Variants in BSN observed in about 807,000 individuals in gnomAD.
BSN encodes the protein bassoon presynaptic cytomatrix protein.
BSN carries 57 observed loss-of-function variants against 264.8 expected under a neutral mutation model. That is an observed-to-expected ratio of 0.22 (90% CI 0.17 to 0.27). The LOEUF is 0.27. BSN is among the 10% of genes least tolerant of loss of function. BSN has a pLI of 1.00. For synonymous variants in BSN, 2,059 were observed against 2,137.3 expected, an observed-to-expected ratio of 0.96 and a Z score of 1.01; for missense variants, 4,615 against 5,232.5, an observed-to-expected ratio of 0.88 and a Z score of 3.64.
intron 1 of BSN, among the ~76,000 whole-genome samples, chr3:49,578,706 C>G (rs542619140): frequency 1.4e-3 from 211 of 151,930 alleles, no homozygotes; most frequent in Middle Eastern, 0.01. Context: ...GCACCTGGCC[C>G]AAAGCTACAA....
intron 1 of BSN, among the ~76,000 whole-genome samples, chr3:49,620,015 T>C (rs1375487411): frequency 6.6e-6 from 1 of 152,022 alleles, no homozygotes; most frequent in African/African-American, 2.4e-5. Flanking sequence ...CCAAAGGATA[T>C]ACAAAAGCAA....
At chr3:49,578,563 T>C (rs2051865786) in intron 1 of BSN, among the ~76,000 whole-genome samples, 1 of 151,586 alleles carries the variant, frequency 6.6e-6, no homozygotes, top group African/African-American at 2.4e-5. Flanking sequence ...GCCCACCACC[T>C]TGCCCGGCCA....
chr3:49,651,573 G>A lies in BSN; in HGVS notation c.2017G>A (p.Ala673Thr). The A allele has an allele frequency of 6.3e-7, 1 of 1,595,668 alleles. No individual in the cohort carries two copies. Among genetic ancestry groups the A allele is most frequent in the Non-Finnish European group, 8.6e-7 (1 of 1,169,236 alleles). ...DLVGKPYSQD[A>T]SRSPQSLSDT... The stretch of plus-strand genomic sequence containing the variant: ...GGTGGGCAAGCCTTACTCTCAGGAT[G>A]CGTCTCGGAGCCCACAGAGCCTCAG... The change falls in exon 5 of 12, where the codon GCG becomes ACG. Residue 673 changes from alanine (A) to threonine (T), a missense_variant. Coordinates refer to ENST00000296452, the MANE Select transcript of BSN (RefSeq NM_003458.4). The surrounding 1 kb of genome is among the most constrained non-coding windows in gnomAD (Gnocchi z 5.4).
intron 1 of BSN, among the ~76,000 whole-genome samples, chr3:49,579,701 G>A (rs574952702): frequency 6.6e-6 from 1 of 152,060 alleles, no homozygotes; most frequent in South Asian, 2.1e-4. Context: ...GATTACAGGT[G>A]TGAGCCACCG....
At chr3:49,575,385 A>AATATATATGTGTGTATATATATGTAAAT (rs2051835601) in intron 1 of BSN, among the ~76,000 whole-genome samples, 7 of 148,698 alleles carry the variant, frequency 4.7e-5, no homozygotes, top group Admixed American at 4.1e-4. Context: ...TATATATGTA[A>AATATATATGTGTGTATATATATGTAAAT]ATATATATGT....
At chr3:49,631,796 A>G (rs1045809249) in intron 2 of BSN, among the ~76,000 whole-genome samples, 3 of 152,208 alleles carry the variant, frequency 2.0e-5, no homozygotes, top group African/African-American at 7.2e-5. Flanking sequence ...AGGTTTGGGA[A>G]GGTGGCAGTA....
At chr3:49,643,222 G>C (rs2052480445) in intron 3 of BSN, 70 bp downstream of exon 3, 2 of 1,521,100 alleles carry the variant, frequency 1.3e-6, no homozygotes. Flanking sequence ...GAGTGTCATG[G>C]GAACCAGAAA....
At chr3:49,592,738 G>A (rs2051989403) in intron 1 of BSN, among the ~76,000 whole-genome samples, 2 of 149,216 alleles carry the variant, frequency 1.3e-5, no homozygotes, top group African/African-American at 2.5e-5. Flanking sequence ...GTGACAGAGC[G>A]AGACTCCATC....
Position 49,654,021 on chromosome 3 carries a change from C to T in BSN, c.4465C>T (p.Pro1489Ser). Reference sequence around the variant, plus strand: ...CTCCCCGTCTTCCCCCTCAGAGAGTCCCACATTCTCCCCTGGCAAGATGGG... The same window carrying T: ...CTCCCCGTCTTCCCCCTCAGAGAGTTCCACATTCTCCCCTGGCAAGATGGG... ...PLSPSSPSESPTFSPGKMGPR... is the reference protein window; with the variant it reads ...PLSPSSPSESSTFSPGKMGPR... Residue 1489 changes from proline (P) to serine (S), a missense_variant, in exon 5 of 12, where the codon CCC becomes TCC. By Grantham distance (74) the Pro-to-Ser change is moderately conservative. This residue lies in a region of BSN where 3,415 missense variants were observed against 3,866.4 expected (regional missense o/e 0.88). Transcript: ENST00000296452. The surrounding 1 kb of genome is among the most constrained non-coding windows in gnomAD (Gnocchi z 4.1). 1.2e-6 allele frequency: 2 copies of T among 1,613,868 alleles called. No homozygotes were observed. Among genetic ancestry groups the T allele is most frequent in the Non-Finnish European group, 1.7e-6 (2 of 1,179,954 alleles).
intron 2 of BSN, among the ~76,000 whole-genome samples, chr3:49,636,167 G>A (rs1466090189): frequency 6.6e-6 from 1 of 152,222 alleles, no homozygotes; most frequent in Non-Finnish European, 1.5e-5. Context: ...CCCCATGTGG[G>A]TTGCAGGTCA....
chr3:49,634,208 A>T (rs969177215), intron 2 of BSN, among the ~76,000 whole-genome samples: 5 of 143,426 alleles, frequency 3.5e-5, no homozygotes, highest in Admixed American at 6.9e-5. Flanking sequence ...CTCTGCCTTT[A>T]AAAAAAAAAA....
At position 49,554,817 on chromosome 3, in the gene BSN, G is replaced by A. The variant is rs2051652303; in HGVS notation, c.215G>A (p.Gly72Asp). The A allele has an allele frequency of 1.6e-5, 20 of 1,221,812 alleles. No homozygotes were observed. The highest frequency in any genetic ancestry group is 2.0e-5 in the Non-Finnish European group (20 of 981,480). 75.7% of individuals were successfully genotyped at this position (1,221,812 alleles called of 1,614,324 possible). ...GGCCCCGGCCCCGGTCCCGGCCCTG[G>A]CCCGGGCAGGTAAGCGCGTGTCTCG... Reference protein sequence around the residue: ...GPGPGPGPGPGPGSTSRRLDP... With the variant: ...GPGPGPGPGPDPGSTSRRLDP... Residue 72 changes from glycine to aspartate, a missense_variant, in exon 1 of 12, where the codon GGC (glycine) becomes GAC (aspartate). By Grantham distance (94) the Gly-to-Asp change is moderately conservative. Around this residue, in one of 3 missense-constraint regions of BSN, gnomAD observed 1,197 missense variants for 1,348.0 expected, o/e 0.89. Transcript: ENST00000296452.
intron 1 of BSN, among the ~76,000 whole-genome samples, chr3:49,560,488 G>A (rs1191448083): frequency 6.6e-6 from 1 of 152,218 alleles, no homozygotes; most frequent in Admixed American, 6.5e-5. Flanking sequence ...ACTGCCTGGG[G>A]ACTGACTTTT....
chr3:49,554,784 C>G lies in BSN; in HGVS notation c.182C>G (p.Pro61Arg). The part of the protein sequence containing the change: ...AARSTAVPPV[P>R]GPGPGPGPGP... ...CGGTCGACCGCGGTACCACCGGTCC[C>G]TGGCCCCGGCCCCGGCCCCGGTCCC... Residue 61 changes from proline to arginine, a missense_variant, in exon 1 of 12, where the codon CCT becomes CGT. By Grantham distance (103) the Pro-to-Arg change is moderately radical. This residue lies in a region of BSN where 1,197 missense variants were observed against 1,348.0 expected (regional missense o/e 0.89). Transcript: ENST00000296452. 1.6e-6 allele frequency: 2 copies of G among 1,225,612 alleles called. No homozygotes were observed. Among genetic ancestry groups the G allele is most frequent in the Non-Finnish European group, 2.0e-6 (2 of 984,302 alleles). 75.9% of individuals were successfully genotyped at this position (1,225,612 alleles called of 1,614,324 possible). A position where few individuals can be genotyped will look rare whatever the true frequency, so the allele number is the denominator to read the frequency against.
chr3:49,633,258 C>T (rs1331692503), intron 2 of BSN, among the ~76,000 whole-genome samples: 4 of 150,476 alleles, frequency 2.7e-5, no homozygotes, highest in Admixed American at 6.6e-5. Flanking sequence ...GCCAAGATCA[C>T]GCCACTGCAC....
intron 2 of BSN, among the ~76,000 whole-genome samples, chr3:49,626,700 A>C (rs2052343209): frequency 6.6e-6 from 1 of 152,248 alleles, no homozygotes; most frequent in Admixed American, 6.5e-5. Flanking sequence ...TCACAGGAAC[A>C]GGGAGGCTTG....
In BSN at chr3:49,650,715, T is replaced by G. The variant is rs777216327; in HGVS notation, c.1622T>G (p.Val541Gly). The G allele has an allele frequency of 1.2e-6, 2 of 1,613,112 alleles. No individual in the cohort carries two copies. The highest frequency in any genetic ancestry group is 4.5e-5 in the East Asian group (2 of 44,878). The change falls in exon 4 of 12, where the codon GTA (valine) becomes GGA (glycine). Residue 541 changes from valine to glycine, a missense_variant. Around this residue, in one of 3 missense-constraint regions of BSN, gnomAD observed 1,197 missense variants for 1,348.0 expected, o/e 0.89. Coordinates refer to ENST00000296452, the MANE Select transcript of BSN (RefSeq NM_003458.4). ...LPPPTSQQPP[V>G]GAPHRASGTS... Reference sequence around the variant, plus strand: ...CCGCCCACCTCACAGCAGCCCCCTGTAGGGGCCCCTCACCGTGCATCTGGA... The same window carrying G: ...CCGCCCACCTCACAGCAGCCCCCTGGAGGGGCCCCTCACCGTGCATCTGGA...
chr3:49,652,623 C>T lies in BSN; in HGVS notation c.3067C>T (p.Arg1023Cys), dbSNP rs2052553240. ...RQRLEEAKQQ[R>C]KARHRSHGPL... is the part of the protein sequence containing the mutation. The stretch of plus-strand genomic sequence containing the variant: ...GCGTCTAGAAGAAGCAAAGCAGCAG[C>T]GCAAGGCCCGGCACCGCTCCCACGG... Residue 1023 changes from arginine to cysteine, a missense_variant, in exon 5 of 12, where the codon CGC (arginine) becomes TGC (cysteine). Physicochemically the swap from Arg to Cys is radical, Grantham distance 180 (BLOSUM62 -3). This residue lies in a region of BSN where 1,197 missense variants were observed against 1,348.0 expected (regional missense o/e 0.89). Coordinates refer to ENST00000296452, the MANE Select transcript of BSN (RefSeq NM_003458.4). 3.7e-6 allele frequency: 6 copies of T among 1,612,904 alleles called. No individual in the cohort carries two copies. The highest frequency in any genetic ancestry group is 5.1e-6 in the Non-Finnish European group (6 of 1,179,552).
At chr3:49,611,927 T>G (rs548443517) in intron 1 of BSN, among the ~76,000 whole-genome samples, 2 of 152,232 alleles carry the variant, frequency 1.3e-5, no homozygotes, top group South Asian at 4.1e-4. Flanking sequence ...CCTCCCTCTA[T>G]TTCTCTTGGC....
Sources: allele counts gnomAD v4.1 joint callset (sites outside exome capture counted in the v4.1 genomes callset), GRCh38; gene constraint gnomAD v4.1.1; regional missense constraint gnomAD v4.1.1; non-coding constraint Gnocchi (gnomAD v3.1); transcripts MANE v1.5; gene names NCBI Gene and HGNC (gene_info 2026-07-23, HGNC 2026-07-21).